Variants in HMCN1 observed in about 807,000 individuals in gnomAD.
The protein encoded by HMCN1 is hemicentin-1.
Under a neutral mutation model 625.9 loss-of-function variants are expected in HMCN1, and 321 were observed. The ratio of observed to expected loss-of-function variants is 0.51; its 90% CI spans 0.47 to 0.56. The LOEUF is 0.56. HMCN1 is among the 20% of genes least tolerant of loss of function. The pLI, the probability that HMCN1 is intolerant of heterozygous loss-of-function variation, is 0.00. For missense variants in HMCN1, 6,588 were observed against 6,887.3 expected, an observed-to-expected ratio of 0.96 and a Z score of 1.54; for synonymous variants, 2,425 against 2,417.6, an observed-to-expected ratio of 1.00 and a Z score of -0.09.
chr1:186,189,818 G>A lies in HMCN1; in HGVS notation c.16848G>A (p.Gly5616=). Residue 5616 remains glycine, a synonymous_variant, in exon 107 of 107, where the codon GGG becomes GGA. Coordinates refer to ENST00000271588, the MANE Select transcript of HMCN1 (RefSeq NM_031935.3). ...RVRASSYSAN[G]TIEYQTTFIV... ...GAGCCTCATCCTACAGTGCCAATGG[G>A]ACCATTGAATATCAGACCACATTCA... 3.1e-6 allele frequency: 5 copies of A among 1,613,726 alleles called. No homozygotes were observed. Among genetic ancestry groups the A allele is most frequent in the Non-Finnish European group, 4.2e-6 (5 of 1,179,804 alleles).
chr1:186,083,120 A>G (rs1659270121), intron 57 of HMCN1, among the ~76,000 whole-genome samples, 159 bp downstream of exon 57: 3 of 152,140 alleles, frequency 2.0e-5, no homozygotes, highest in Non-Finnish European at 4.4e-5. Flanking sequence ...CACGATGGCT[A>G]GTAGGATTTA....
At chr1:185,936,594 C>G (rs1454365990) in intron 11 of HMCN1, among the ~76,000 whole-genome samples, 2 of 152,124 alleles carry the variant, frequency 1.3e-5, no homozygotes, top group African/African-American at 2.4e-5. Context: ...ATTAATAGCT[C>G]TAACTATCCA....
chr1:185,909,232 A>G, intron 4 of HMCN1, 105 bp from the exon 5 acceptor site: 1 of 833,936 alleles, frequency 1.2e-6, no homozygotes, highest in Non-Finnish European at 2.1e-6. Flanking sequence ...ACACCAGTCC[A>G]GGATGTGCCG....
At chr1:186,140,065 C>T (rs1194429533) in intron 89 of HMCN1, among the ~76,000 whole-genome samples, 1 of 152,076 alleles carries the variant, frequency 6.6e-6, no homozygotes, top group East Asian at 1.9e-4. Context: ...TGTGTATTTC[C>T]TGAAACAAGG....
At chr1:185,956,621 C>CT (rs1030471472) in intron 11 of HMCN1, among the ~76,000 whole-genome samples, 129 of 151,234 alleles carry the variant, frequency 8.5e-4, no homozygotes, top group African/African-American at 2.5e-3. Context: ...TGAACCCTGG[C>CT]TTTTTTTTTG....
chr1:186,094,760 A>G (rs1358089196), intron 67 of HMCN1, among the ~76,000 whole-genome samples: 1 of 152,172 alleles, frequency 6.6e-6, no homozygotes, highest in African/African-American at 2.4e-5. Context: ...GTATGCGTAT[A>G]TATGGAGAGA....
chr1:186,063,034 A>ATGTGTG (rs376321567), intron 48 of HMCN1, among the ~76,000 whole-genome samples: 40 of 95,172 alleles, frequency 4.2e-4, no homozygotes, highest in African/African-American at 9.4e-4. Context: ...ATTCCATGGA[A>ATGTGTG]TGTGTGTGTG....
chr1:186,164,407 T>A (rs911940712), intron 97 of HMCN1, among the ~76,000 whole-genome samples: 1 of 151,956 alleles, frequency 6.6e-6, no homozygotes, highest in Non-Finnish European at 1.5e-5. Context: ...ACCTGGCTAA[T>A]TTTTTGTATT....
At chr1:186,186,505 C>G (rs530974670) in intron 105 of HMCN1, among the ~76,000 whole-genome samples, 1 of 152,066 alleles carries the variant, frequency 6.6e-6, no homozygotes, top group African/African-American at 2.4e-5. Context: ...CCAGCTTGGG[C>G]GACAGAGTGA....
intron 2 of HMCN1, among the ~76,000 whole-genome samples, chr1:185,846,393 C>G (rs1661815944): frequency 6.6e-6 from 1 of 152,118 alleles, no homozygotes. Context: ...AGTTTGCTGA[C>G]CCCTGCTCTA....
chr1:186,046,804 A>G (rs1048931000), intron 41 of HMCN1, among the ~76,000 whole-genome samples: 1 of 152,208 alleles, frequency 6.6e-6, no homozygotes, highest in African/African-American at 2.4e-5. Flanking sequence ...TGAATGAAAT[A>G]CAGTGTGACA....
In HMCN1 at chr1:186,095,476, A is replaced by G; in HGVS notation, c.10528A>G (p.Asn3510Asp). ...DSGKYTCIASNEAGEVSKHFI... is the reference protein window; with the variant it reads ...DSGKYTCIASDEAGEVSKHFI... ...GGGAAAGTACACCTGCATTGCCTCA[A>G]ATGAAGCTGGAGAAGTCAGCAAGCA... The change falls in exon 68 of 107, where the codon AAT becomes GAT. Residue 3510 changes from asparagine (N) to aspartate (D), a missense_variant. Transcript: ENST00000271588. 6.2e-7 allele frequency: 1 copy of G among 1,613,650 alleles called. No homozygotes were observed. Among genetic ancestry groups the G allele is most frequent in the South Asian group, 1.1e-5 (1 of 91,078 alleles).
chr1:185,791,802 G>T (rs1302602765), intron 1 of HMCN1, among the ~76,000 whole-genome samples: 2 of 152,142 alleles, frequency 1.3e-5, no homozygotes, highest in Non-Finnish European at 2.9e-5. Flanking sequence ...CAAACTGGGT[G>T]ATATTATTTT....
intron 1 of HMCN1, among the ~76,000 whole-genome samples, chr1:185,807,966 T>A (rs1659278516): frequency 6.6e-6 from 1 of 152,172 alleles, no homozygotes; most frequent in Admixed American, 6.5e-5. Flanking sequence ...GAGAGACAGT[T>A]CTGCTTCATA....
In HMCN1 at chr1:186,128,251, G is replaced by C. The variant is rs1308884935; in HGVS notation, c.12864G>C (p.Leu4288Phe). Residue 4288 changes from leucine to phenylalanine, a missense_variant, in exon 83 of 107, where the codon TTG becomes TTC. By Grantham distance (22) the Leu-to-Phe change is conservative. Coordinates refer to ENST00000271588, the MANE Select transcript of HMCN1 (RefSeq NM_031935.3). ...RLSCKATGIP[L>F]PKLTWTFNNN... ...GCTGTAAAGCTACTGGTATTCCATTGCCCAAATTAACATGGACCTTCAATA... is the reference window on the plus strand; with the variant it reads ...GCTGTAAAGCTACTGGTATTCCATTCCCCAAATTAACATGGACCTTCAATA... 7.4e-6 allele frequency: 12 copies of C among 1,613,328 alleles called. No homozygotes were observed. The highest frequency in any genetic ancestry group is 1.0e-5 in the Non-Finnish European group (12 of 1,179,638).
chr1:186,187,287 G>A (rs888692329), intron 105 of HMCN1, among the ~76,000 whole-genome samples: 4 of 152,084 alleles, frequency 2.6e-5, no homozygotes, highest in African/African-American at 4.8e-5. Flanking sequence ...TGCTCCATTC[G>A]ATCAGCTTAC....
chr1:185,822,324 T>C (rs899222399), intron 1 of HMCN1, among the ~76,000 whole-genome samples: 1 of 152,110 alleles, frequency 6.6e-6, no homozygotes, highest in Admixed American at 6.6e-5. Flanking sequence ...TACATGGGAA[T>C]CTCTGTTCCT....
At chr1:185,980,633 A>G in intron 16 of HMCN1, among the ~76,000 whole-genome samples, 1 of 152,174 alleles carries the variant, frequency 6.6e-6, no homozygotes, top group South Asian at 2.1e-4. Flanking sequence ...GCAGCTTTCC[A>G]TTCTTTGTAC....
chr1:185,820,838 T>C (rs551299483), intron 1 of HMCN1, among the ~76,000 whole-genome samples: 1 of 152,194 alleles, frequency 6.6e-6, no homozygotes, highest in African/African-American at 2.4e-5. Context: ...AAACTACAAG[T>C]GAAATGGACC....
Sources: gnomAD v4.1 joint callset for allele counts (sites outside exome capture counted in the v4.1 genomes callset) on GRCh38, gnomAD v4.1.1 for gene constraint, MANE v1.5 for transcripts, NCBI Gene and HGNC (gene_info 2026-07-23, HGNC 2026-07-21) for gene names.